Variants in C5orf52 observed in about 807,000 individuals in gnomAD.
C5orf52 encodes chromosome 5 open reading frame 52.
A neutral mutation model predicts 16.8 loss-of-function variants in C5orf52; 15 were observed. That is an observed-to-expected ratio of 0.89 (90% confidence interval 0.60 to 1.38). The LOEUF is 1.38. C5orf52 is among the 40% of genes most tolerant of loss of function. The pLI is 0.00. For missense variants in C5orf52, 206 were observed against 213.1 expected (o/e 0.97, Z 0.21); for synonymous variants, 83 against 87.2 (o/e 0.95, Z 0.27).
intron 2 of C5orf52, among the ~76,000 whole-genome samples, chr5:157,679,495 C>T (rs1759968057): frequency 6.6e-6 from 1 of 152,108 alleles, no homozygotes; most frequent in African/African-American, 2.4e-5. Context: ...TACCACCATG[C>T]TTGGCTAATC....
rs541995405 is a variant in C5orf52 at position 157,671,562 on chromosome 5, G to A, written c.-53G>A. ...CGCGTCAGCGCGCGCCCACCTAGGTGGGCTGGCAACCAGCCACCAGTTTCC... is the reference window on the plus strand; with the variant it reads ...CGCGTCAGCGCGCGCCCACCTAGGTAGGCTGGCAACCAGCCACCAGTTTCC... On this transcript the variant is annotated 5_prime_UTR_variant, in exon 1 of 3. Transcript: ENST00000409999. The A allele has an allele frequency of 1.4e-6, 2 of 1,454,938 alleles. No homozygotes were observed. The highest frequency in any genetic ancestry group is 4.4e-5 in the Admixed American group (2 of 45,632). The allele number at this position is 1,454,938 out of a possible 1,614,324, so 90.1% of individuals were successfully genotyped here. A position where few individuals can be genotyped will look rare whatever the true frequency, so the allele number is the denominator to read the frequency against.
In C5orf52 at chr5:157,678,884, C is replaced by T. The variant is rs182946063; in HGVS notation, c.322-957C>T. ...GCACGGTGGTTCATGCCTGTAATCT[C>T]AGCACTTTGGGAGGCCGAAGCGGGT... On this transcript the variant is annotated intron_variant, in intron 2 of 2. Transcript: ENST00000409999. Among the ~76,000 whole-genome samples the T allele has an allele frequency of 1.5e-3, 232 of 152,098 alleles. 1 individual carries two copies. The highest frequency in any genetic ancestry group is 5.3e-3 in the African/African-American group (220 of 41,514).
At chr5:157,673,770 G>A (rs1032851825) in intron 1 of C5orf52, among the ~76,000 whole-genome samples, 12 of 151,764 alleles carry the variant, frequency 7.9e-5, no homozygotes, top group East Asian at 5.8e-4. Context: ...CCAGCCTCCC[G>A]AGTAGCTGGG....
In C5orf52 at chr5:157,671,749, C is replaced by T. The variant is rs1759795940; in HGVS notation, c.135C>T (p.Arg45=). The T allele has an allele frequency of 6.4e-7, 1 of 1,551,010 alleles. No homozygotes were observed. The highest frequency in any genetic ancestry group is 1.4e-5 in the African/African-American group (1 of 73,076). ...ACCAGCGCGATAGACTCGGCCGCCG[C>T]CCAGAAATCGGCGTAGGGGGTCAGC... ...SNYQRDRLGR[R]PEIGVGGQPQ... is the part of the protein sequence containing the mutation. The change falls in exon 1 of 3, where the codon CGC becomes CGT. Residue 45 remains arginine (R), a synonymous_variant. Transcript: ENST00000409999.
rs977705492 is a variant in C5orf52 at position 157,674,494 on chromosome 5, G to A, written c.213-598G>A. On this transcript the variant is annotated intron_variant, in intron 1 of 2. Coordinates refer to ENST00000409999, the MANE Select transcript of C5orf52 (RefSeq NM_001145132.2). ...GATGACTGCTTTTGGCTGGGTGGGC[G>A]TGGTGGCACTTGCCTGTAATCCCAG... Among the ~76,000 whole-genome samples the A allele has an allele frequency of 1.1e-4, 16 of 152,250 alleles. No homozygotes were observed. The East Asian group carries it at 1.7e-3, about 17-fold the overall frequency.
At chr5:157,671,532 C>A, upstream of C5orf52, 1 of 1,182,050 alleles carries the variant, frequency 8.5e-7, no homozygotes, top group African/African-American at 1.5e-5. Context: ...CCCAGGGACT[C>A]ACTCCGCGTC....
At chr5:157,673,876 T>C (rs529635804) in intron 1 of C5orf52, among the ~76,000 whole-genome samples, 4 of 152,250 alleles carry the variant, frequency 2.6e-5, no homozygotes, top group African/African-American at 9.6e-5. Context: ...AACTCCTGAC[T>C]TCCAAGTGAT....
chr5:157,672,158 A>T (rs1202866453), intron 1 of C5orf52, among the ~76,000 whole-genome samples: 1 of 152,062 alleles, frequency 6.6e-6, no homozygotes, highest in Non-Finnish European at 1.5e-5. Context: ...GCAGTGCCCT[A>T]GGGGGATGAG....
upstream of C5orf52, chr5:157,671,500 C>T (rs545832725): frequency 1.7e-5 from 14 of 840,820 alleles, no homozygotes; most frequent in African/African-American, 1.4e-4. Flanking sequence ...AGGCAACGCG[C>T]CGCGCTCGGT....
chr5:157,675,743 G>T (rs1233617812), intron 2 of C5orf52, among the ~76,000 whole-genome samples: 1 of 152,150 alleles, frequency 6.6e-6, no homozygotes, highest in Non-Finnish European at 1.5e-5. Flanking sequence ...GAAAACCAAA[G>T]TCTTGGGTCC....
chr5:157,673,868 C>T (rs1265680971), intron 1 of C5orf52, among the ~76,000 whole-genome samples: 2 of 152,140 alleles, frequency 1.3e-5, no homozygotes, highest in African/African-American at 4.8e-5. Context: ...TGTTCTGGAA[C>T]TCCTGACTTC....
chr5:157,675,741 A>AGCG (rs1349536303), intron 2 of C5orf52, among the ~76,000 whole-genome samples: 1 of 152,100 alleles, frequency 6.6e-6, no homozygotes, highest in Non-Finnish European at 1.5e-5. Context: ...CAGAAAACCA[A>AGCG]AGTCTTGGGT....
chr5:157,676,871 C>CTTTTT (rs35620575), intron 2 of C5orf52, among the ~76,000 whole-genome samples: 10 of 97,162 alleles, frequency 1.0e-4, no homozygotes, highest in East Asian at 2.6e-4. Context: ...CTTTTTTTTT[C>CTTTTT]TTTTTTTTTT....
rs1403137140 is a variant in C5orf52 at position 157,680,082 on chromosome 5, C to T, written c.*83C>T. The T allele has an allele frequency of 3.7e-5, 48 of 1,283,794 alleles. No individual in the cohort carries two copies. Among genetic ancestry groups the T allele is most frequent in the South Asian group, 1.0e-4 (7 of 66,772 alleles). The allele number at this position is 1,283,794 out of a possible 1,614,324, so 79.5% of individuals were successfully genotyped here. A position where few individuals can be genotyped will look rare whatever the true frequency, so the allele number is the denominator to read the frequency against. ...GGGTCACGATGACACCAGTGTGACC[C>T]GAGGAGAACTAGTAACTACAACCTA... On this transcript the variant is annotated 3_prime_UTR_variant, in exon 3 of 3. Transcript: ENST00000409999.
chr5:157,673,445 A>G (rs905238083), intron 1 of C5orf52, among the ~76,000 whole-genome samples: 2 of 152,146 alleles, frequency 1.3e-5, no homozygotes, highest in East Asian at 1.9e-4. Context: ...TCATTCATAT[A>G]TAATATATAT....
intron 1 of C5orf52, among the ~76,000 whole-genome samples, chr5:157,672,739 A>C (rs925464956): frequency 3.3e-5 from 5 of 152,090 alleles, no homozygotes; most frequent in African/African-American, 1.2e-4. Context: ...CGGGTTCCAA[A>C]TTGGCTGAAA....
chr5:157,675,122 A>G lies in C5orf52; in HGVS notation c.243A>G (p.Lys81=), dbSNP rs1319188456. ...TGAATTCCAGTGAAGCAGCGATGAAAAAAACTTTACCCAAGAGCCATTTAT... is the reference window on the plus strand; with the variant it reads ...TGAATTCCAGTGAAGCAGCGATGAAGAAAACTTTACCCAAGAGCCATTTAT... ...SLMNSSEAAM[K]KTLPKSHLSR... is the part of the protein sequence containing the mutation. The change falls in exon 2 of 3, where the codon AAA becomes AAG. Residue 81 remains lysine (K), a synonymous_variant. Transcript: ENST00000409999. 1.9e-6 allele frequency: 3 copies of G among 1,551,490 alleles called. No individual in the cohort carries two copies. The African/African-American group carries it at 4.1e-5, about 21-fold the overall frequency.
chr5:157,674,108 G>C (rs1759852435), intron 1 of C5orf52, among the ~76,000 whole-genome samples: 1 of 151,846 alleles, frequency 6.6e-6, no homozygotes. Context: ...TTTTCACCTG[G>C]AGTACTTGGC....
chr5:157,674,322 C>T (rs536154667), intron 1 of C5orf52, among the ~76,000 whole-genome samples: 1 of 152,272 alleles, frequency 6.6e-6, no homozygotes, highest in South Asian at 2.1e-4. Flanking sequence ...CCCCCCACCT[C>T]CCAGATCCCC....
Sources: gnomAD v4.1 joint callset for allele counts (sites outside exome capture counted in the v4.1 genomes callset) on GRCh38, gnomAD v4.1.1 for gene constraint, MANE v1.5 for transcripts, NCBI Gene and HGNC (gene_info 2026-07-23, HGNC 2026-07-21) for gene names.